The following DISP3 variants were observed in gnomAD, a reference collection of about 807,000 sequenced individuals.
The protein encoded by DISP3 is dispatched RND transporter family member 3, also known as protein dispatched homolog 3.
A neutral mutation model predicts 135.3 loss-of-function variants in DISP3; 101 were observed. The observed-to-expected ratio is 0.75, with a 90% CI of 0.64 to 0.88. The LOEUF is 0.88. Among genes scored for constraint, DISP3 ranks in the 40% least tolerant of loss-of-function variants. The pLI, the probability that DISP3 is intolerant of heterozygous loss-of-function variation, is 0.00. For missense variants in DISP3, 1,713 were observed against 1,878.6 expected (o/e 0.91, Z 1.63); for synonymous variants, 856 against 817.0 (o/e 1.05, Z -0.81).
At chr1:11,480,681 A>G (rs1364998367) in intron 1 of DISP3, among the ~76,000 whole-genome samples, 15 of 43,932 alleles carry the variant, frequency 3.4e-4, no homozygotes, top group African/African-American at 2.9e-3. Flanking sequence ...GCGCGTGCAC[A>G]CACACACACA....
At chr1:11,523,629 AG>A (rs1284215434) in intron 10 of DISP3, among the ~76,000 whole-genome samples, 24 of 116,290 alleles carry the variant, frequency 2.1e-4, no homozygotes, top group Admixed American at 1.5e-3. Flanking sequence ...GACGGCGAGC[AG>A]GGGGCAGAGT....
chr1:11,534,702 T>TG (rs1642661688), intron 18 of DISP3, among the ~76,000 whole-genome samples, 162 bp downstream of exon 18: 1 of 152,210 alleles, frequency 6.6e-6, no homozygotes. Flanking sequence ...GGCTGGAGTT[T>TG]GGGTCCTCTC....
chr1:11,502,991 T>G, intron 3 of DISP3, 94 bp downstream of exon 3: 1 of 1,133,396 alleles, frequency 8.8e-7, no homozygotes, highest in South Asian at 1.6e-5. Flanking sequence ...CCCTATAATC[T>G]TTTCCTTTGG....
rs2100512917 is a variant in DISP3, at chr1:11,531,040, G to A, written c.3229+7G>A. Reference sequence around the variant, plus strand: ...GCCCAGTGCCTGCCTTCAGGTGCGTGGGGTGTGGGGAGCTGGTTCCTCCGA... The same window carrying A: ...GCCCAGTGCCTGCCTTCAGGTGCGTAGGGTGTGGGGAGCTGGTTCCTCCGA... On this transcript the variant is annotated splice_region_variant and intron_variant, in intron 16 of 20. Coordinates refer to ENST00000294484, the MANE Select transcript of DISP3 (RefSeq NM_020780.2). This position sits in a 1 kb window ranked among gnomAD's most constrained non-coding sequence, Gnocchi z 5.2. The A allele has an allele frequency of 6.2e-7, 1 of 1,613,164 alleles. No individual in the cohort carries two copies. The highest frequency in any genetic ancestry group is 1.7e-4 in the Middle Eastern group (1 of 6,020).
rs1642027946 is a variant in DISP3 at position 11,516,893 on chromosome 1, C to T, written c.1750-570C>T. 6.6e-6 allele frequency among the ~76,000 whole-genome samples: 1 copy of T among 152,166 alleles called. No individual in the cohort carries two copies. On this transcript the variant is annotated intron_variant, in intron 6 of 20. Coordinates refer to ENST00000294484, the MANE Select transcript of DISP3 (RefSeq NM_020780.2). The surrounding 1 kb of genome is among the most constrained non-coding windows in gnomAD (Gnocchi z 5.1). ...GTGTGACCTCTCTGAGCCTCGCTTT[C>T]CTCATGTGTGGATTATCCAGGGACT...
chr1:11,506,244 T>A (rs1019511491), intron 3 of DISP3, among the ~76,000 whole-genome samples: 2 of 152,206 alleles, frequency 1.3e-5, no homozygotes, highest in Non-Finnish European at 2.9e-5. Flanking sequence ...TTTGTTCTGT[T>A]TGGGGACACA....
chr1:11,505,132 T>G (rs767952957), intron 3 of DISP3, among the ~76,000 whole-genome samples: 2 of 152,270 alleles, frequency 1.3e-5, no homozygotes, highest in Admixed American at 1.3e-4. Flanking sequence ...TTGTTAGAAA[T>G]GCAGAAGCTC....
rs1357090954 is a variant in DISP3 at position 11,520,299 on chromosome 1, C to T, written c.2201-388C>T. Among the ~76,000 whole-genome samples the T allele has an allele frequency of 6.6e-6, 1 of 152,176 alleles. No individual in the cohort carries two copies. The highest frequency in any genetic ancestry group is 1.9e-4 in the East Asian group (1 of 5,192). ...TATGTATAAAGACCTCAGCCCAGCG[C>T]GTGGCGTGCGGTAAGTGCTCAGTGA... is the stretch of plus-strand genomic sequence containing the variant. On this transcript the variant is annotated intron_variant, in intron 9 of 20. Coordinates refer to ENST00000294484, the MANE Select transcript of DISP3 (RefSeq NM_020780.2). This position sits in a 1 kb window ranked among gnomAD's most constrained non-coding sequence, Gnocchi z 4.8.
At chr1:11,521,130 C>T (rs928298688) in intron 10 of DISP3, among the ~76,000 whole-genome samples, 1 of 152,056 alleles carries the variant, frequency 6.6e-6, no homozygotes, top group Non-Finnish European at 1.5e-5. Flanking sequence ...AATAGTAGAT[C>T]TGAGCTTTGG....
chr1:11,486,740 C>T (rs1388518008), intron 1 of DISP3, among the ~76,000 whole-genome samples: 2 of 151,932 alleles, frequency 1.3e-5, no homozygotes, highest in African/African-American at 4.8e-5. Flanking sequence ...TGCAGTGCTG[C>T]AATCACAGCT....
intron 1 of DISP3, among the ~76,000 whole-genome samples, chr1:11,488,414 C>T (rs2004576): frequency 0.039 from 5,951 of 152,250 alleles, 332 homozygotes; most frequent in South Asian, 0.14. Flanking sequence ...GACACCTGCT[C>T]CCCACTATCC....
At chr1:11,534,287 C>A in intron 17 of DISP3, 94 bp from the exon 18 acceptor site, 1 of 1,460,064 alleles carries the variant, frequency 6.8e-7, no homozygotes, top group Non-Finnish European at 9.6e-7. Context: ...ACGCACCACT[C>A]CATTGGTGGC....
intron 1 of DISP3, among the ~76,000 whole-genome samples, chr1:11,489,450 A>G (rs80014044): frequency 6.6e-6 from 1 of 152,190 alleles, no homozygotes; most frequent in African/African-American, 2.4e-5. Context: ...GTACGTGGCT[A>G]TTGGCTATTC....
At position 11,501,847 on chromosome 1, in the gene DISP3, G is replaced by T. The variant is rs779074937; in HGVS notation, c.855G>T (p.Ala285=). The change falls in exon 2 of 21, where the codon GCG becomes GCT. Residue 285 remains alanine, a synonymous_variant. Transcript: ENST00000294484. The surrounding 1 kb of genome is among the most constrained non-coding windows in gnomAD (Gnocchi z 4.9). The part of the protein sequence containing the change: ...IELIFLARGD[A]ERNIFTSERL... ...TCATCTTCCTGGCGCGCGGCGACGCGGAGCGCAACATTTTCACCAGTGAGC... is the reference window on the plus strand; with the variant it reads ...TCATCTTCCTGGCGCGCGGCGACGCTGAGCGCAACATTTTCACCAGTGAGC... 1.2e-6 allele frequency: 2 copies of T among 1,612,274 alleles called. No homozygotes were observed. Among genetic ancestry groups the T allele is most frequent in the Non-Finnish European group, 1.7e-6 (2 of 1,179,196 alleles).
At chr1:11,515,333 C>T in intron 4 of DISP3, 36 bp from the exon 5 acceptor site, 2 of 1,613,038 alleles carry the variant, frequency 1.2e-6, no homozygotes, top group Non-Finnish European at 1.7e-6. Flanking sequence ...CATGAGGGTC[C>T]CCCCACCGTC....
In DISP3 at chr1:11,526,824, G is replaced by A. The variant is rs1220516966; in HGVS notation, c.2787G>A (p.Gln929=). The A allele has an allele frequency of 1.9e-6, 3 of 1,604,734 alleles. No homozygotes were observed. Among genetic ancestry groups the A allele is most frequent in the Admixed American group, 1.7e-5 (1 of 60,000 alleles). ...GCTTCTACGTGGCCACCAAGGAGCA[G>A]CAGCACACCCGGTAACAGAGCCTGG... ...DFSFYVATKE[Q]QHTRKLYFAQ... Residue 929 remains glutamine (Q), a synonymous_variant, in exon 13 of 21, where the codon CAG becomes CAA. Coordinates refer to ENST00000294484, the MANE Select transcript of DISP3 (RefSeq NM_020780.2).
chr1:11,510,410 T>TGTATATGTAG (rs1641825883), intron 3 of DISP3, among the ~76,000 whole-genome samples: 2 of 152,154 alleles, frequency 1.3e-5, no homozygotes, highest in South Asian at 4.1e-4. Flanking sequence ...GTATATCATT[T>TGTATATGTAG]CATATGTAGT....
chr1:11,486,732 C>T (rs956315031), intron 1 of DISP3, among the ~76,000 whole-genome samples: 33 of 151,956 alleles, frequency 2.2e-4, no homozygotes, highest in African/African-American at 8.0e-4. Context: ...GGCTGGAGTG[C>T]AGTGCTGCAA....
intron 1 of DISP3, among the ~76,000 whole-genome samples, chr1:11,482,214 T>C (rs1640922837): frequency 1.3e-5 from 2 of 152,262 alleles, no homozygotes; most frequent in South Asian, 4.1e-4. Context: ...TCCTCCCAAG[T>C]GGCAGACACT....
Sources: gnomAD v4.1 joint callset for allele counts (sites outside exome capture counted in the v4.1 genomes callset) on GRCh38, gnomAD v4.1.1 for gene constraint, Gnocchi (gnomAD v3.1) non-coding constraint, MANE v1.5 for transcripts, NCBI Gene and HGNC (gene_info 2026-07-23, HGNC 2026-07-21) for gene names.